The following EYA2 variants were observed in gnomAD, a reference collection of about 807,000 sequenced individuals.
The protein encoded by EYA2 is EYA transcriptional coactivator and phosphatase 2.
A neutral mutation model predicts 69.2 loss-of-function variants in EYA2; 31 were observed. That is an observed-to-expected ratio of 0.45 (90% CI 0.34 to 0.60). EYA2 has a LOEUF of 0.60. Ranked by LOEUF, EYA2 falls within the 20% of genes least tolerant of loss-of-function variation. EYA2 has a pLI of 0.02. For missense variants in EYA2, 622 were observed against 701.2 expected, an observed-to-expected ratio of 0.89 and a Z score of 1.28; for synonymous variants, 257 against 279.4, an observed-to-expected ratio of 0.92 and a Z score of 0.80.
chr20:47,045,416 G>A lies in EYA2; in HGVS notation c.416-26769G>A, dbSNP rs115029465. On this transcript the variant is annotated intron_variant, in intron 5 of 15. Transcript: ENST00000327619. The stretch of plus-strand genomic sequence containing the variant: ...CAGAACATCATTTCTGCCACATGCT[G>A]TTGGTCAGAGCAAGTCACAAGGCCA... Among the ~76,000 whole-genome samples, 1,073 of 152,332 alleles carry A rather than the reference G, an allele frequency of 7.0e-3. 14 individuals carry two copies. The highest frequency in any genetic ancestry group is 0.025 in the African/African-American group (1,023 of 41,560).
intron 11 of EYA2, among the ~76,000 whole-genome samples, chr20:47,172,037 T>C (rs1450154902): frequency 6.6e-6 from 1 of 151,582 alleles, no homozygotes; most frequent in Non-Finnish European, 1.5e-5. Context: ...AGGCAGAGGT[T>C]GCAGTGAGCC....
intron 1 of EYA2, among the ~76,000 whole-genome samples, chr20:46,954,697 C>T (rs1329346776): frequency 6.6e-6 from 1 of 152,180 alleles, no homozygotes; most frequent in Non-Finnish European, 1.5e-5. Context: ...ATTCCTCAAA[C>T]ACCAGGAGAT....
chr20:47,144,935 G>A (rs1234227054), intron 10 of EYA2, among the ~76,000 whole-genome samples: 2 of 152,192 alleles, frequency 1.3e-5, no homozygotes, highest in South Asian at 2.1e-4. Flanking sequence ...GGAGCCTAAT[G>A]CGGTAAAGAC....
chr20:47,144,773 G>C (rs2033667886), intron 10 of EYA2, among the ~76,000 whole-genome samples: 1 of 152,182 alleles, frequency 6.6e-6, no homozygotes, highest in African/African-American at 2.4e-5. Flanking sequence ...TGGAGCAATG[G>C]AGAATAAATA....
At chr20:46,940,456 C>T (rs1173141293) in intron 1 of EYA2, among the ~76,000 whole-genome samples, 1 of 152,140 alleles carries the variant, frequency 6.6e-6, no homozygotes, top group Non-Finnish European at 1.5e-5. Flanking sequence ...ATTCAGAGCC[C>T]GCATCCTTAA....
At position 47,172,875 on chromosome 20, in the gene EYA2, C is replaced by G. The variant is rs746212444; in HGVS notation, c.1198+8C>G. 1.2e-6 allele frequency: 2 copies of G among 1,602,824 alleles called. No individual in the cohort carries two copies. The highest frequency in any genetic ancestry group is 3.4e-5 in the Admixed American group (2 of 58,940). The stretch of plus-strand genomic sequence containing the variant: ...ACAAGAACAACGTTGGTGGTGAGTA[C>G]TGTGAGCCTTGGGCCTCCGAGGAAG... On this transcript the variant is annotated splice_region_variant and intron_variant, in intron 12 of 15. Transcript: ENST00000327619.
At chr20:46,975,685 C>T (rs1201716267) in intron 1 of EYA2, among the ~76,000 whole-genome samples, 3 of 151,758 alleles carry the variant, frequency 2.0e-5, no homozygotes, top group South Asian at 2.1e-4. Context: ...GAGGCTGAGG[C>T]GGGTGGATCA....
chr20:46,925,261 G>A (rs1007314852), intron 1 of EYA2, among the ~76,000 whole-genome samples: 7 of 152,124 alleles, frequency 4.6e-5, no homozygotes, highest in Admixed American at 2.0e-4. Flanking sequence ...GTCCTTTGGC[G>A]GAACACAATT....
At chr20:46,992,620 C>T (rs906708685) in intron 2 of EYA2, among the ~76,000 whole-genome samples, 1 of 152,188 alleles carries the variant, frequency 6.6e-6, no homozygotes, top group Non-Finnish European at 1.5e-5. Flanking sequence ...TCAATTCTCC[C>T]ACAGTGGTGA....
chr20:47,139,954 A>G (rs1454798529), intron 9 of EYA2, among the ~76,000 whole-genome samples: 1 of 152,160 alleles, frequency 6.6e-6, no homozygotes. Flanking sequence ...TTACAACTAT[A>G]TAAATACTCT....
intron 1 of EYA2, among the ~76,000 whole-genome samples, chr20:46,989,032 A>G (rs1981473509): frequency 1.3e-5 from 2 of 152,098 alleles, no homozygotes; most frequent in East Asian, 1.9e-4. Context: ...GACTACCAAC[A>G]TGGTGCAAGA....
chr20:47,095,288 C>T (rs113693617), intron 8 of EYA2, among the ~76,000 whole-genome samples: 184 of 151,832 alleles, frequency 1.2e-3, no homozygotes, highest in Middle Eastern at 0.01. Context: ...TCTCCCAGAA[C>T]ACAGATCAAA....
intron 5 of EYA2, among the ~76,000 whole-genome samples, chr20:47,050,025 C>T (rs1430704908): frequency 2.0e-5 from 3 of 152,180 alleles, no homozygotes; most frequent in South Asian, 2.1e-4. Context: ...ACATAAGTGA[C>T]GTTGCACCCT....
At chr20:47,100,173 GGC>G (rs1184786361) in intron 9 of EYA2, among the ~76,000 whole-genome samples, 2 of 152,214 alleles carry the variant, frequency 1.3e-5, no homozygotes, top group African/African-American at 4.8e-5. Context: ...GGTGGCCGCT[GGC>G]CAAATTCATA....
chr20:47,098,618 G>A (rs561163073), intron 9 of EYA2, among the ~76,000 whole-genome samples: 2 of 152,242 alleles, frequency 1.3e-5, no homozygotes, highest in Admixed American at 6.5e-5. Flanking sequence ...TCCTTTCTGG[G>A]CCCCATGTCC....
intron 7 of EYA2, among the ~76,000 whole-genome samples, chr20:47,088,438 A>G (rs1488245845): frequency 1.3e-5 from 2 of 152,114 alleles, no homozygotes; most frequent in African/African-American, 4.8e-5. Flanking sequence ...AGGATTTCAG[A>G]TTGAGAGAGT....
chr20:46,987,508 G>A (rs1353413378), intron 1 of EYA2, among the ~76,000 whole-genome samples: 1 of 152,098 alleles, frequency 6.6e-6, no homozygotes, highest in Non-Finnish European at 1.5e-5. Flanking sequence ...CCCAGAGTTA[G>A]CCATTCTCTT....
At chr20:47,104,698 C>T (rs1600712026) in intron 9 of EYA2, among the ~76,000 whole-genome samples, 1 of 152,136 alleles carries the variant, frequency 6.6e-6, no homozygotes, top group South Asian at 2.1e-4. Flanking sequence ...CTTCTTTCCC[C>T]TACTGAATTG....
At chr20:47,089,105 C>A in intron 7 of EYA2, 134 bp from the exon 8 acceptor site, 1 of 1,012,146 alleles carries the variant, frequency 9.9e-7, no homozygotes, top group Non-Finnish European at 1.5e-6. Flanking sequence ...CAGTTTTCAT[C>A]CTACGAGATC....
Sources: allele counts gnomAD v4.1 joint callset (sites outside exome capture counted in the v4.1 genomes callset), GRCh38; gene constraint gnomAD v4.1.1; transcripts MANE v1.5; gene names NCBI Gene and HGNC (gene_info 2026-07-23, HGNC 2026-07-21).